The following DOCK3 variants were observed in gnomAD, a reference collection of about 807,000 sequenced individuals.
The protein encoded by DOCK3 is dedicator of cytokinesis protein 3.
A neutral mutation model predicts 265.6 loss-of-function variants in DOCK3; 60 were observed. That is an observed-to-expected ratio of 0.23 (90% CI 0.18 to 0.28). DOCK3 has a LOEUF of 0.28. DOCK3 is among the 10% of genes least tolerant of loss of function. The pLI, the probability that DOCK3 is intolerant of heterozygous loss-of-function variation, is 1.00. For missense variants in DOCK3, 1,981 were observed against 2,594.3 expected, an observed-to-expected ratio of 0.76 and a Z score of 5.14; for synonymous variants, 881 against 938.0, an observed-to-expected ratio of 0.94 and a Z score of 1.11.
chr3:51,042,050 G>T (rs1177943159), intron 5 of DOCK3, among the ~76,000 whole-genome samples: 1 of 152,094 alleles, frequency 6.6e-6, no homozygotes, highest in Non-Finnish European at 1.5e-5. Flanking sequence ...CCAAAAAATT[G>T]AAAAGGAAGG....
At chr3:50,795,049 G>A (rs1371220820) in intron 2 of DOCK3, among the ~76,000 whole-genome samples, 2 of 151,958 alleles carry the variant, frequency 1.3e-5, no homozygotes, top group Non-Finnish European at 2.9e-5. Flanking sequence ...TAAAGAATAT[G>A]GAATATTGGC....
chr3:50,901,719 G>A (rs2049209140), intron 4 of DOCK3: 2 of 453,534 alleles, frequency 4.4e-6, no homozygotes, highest in Non-Finnish European at 8.8e-6. Context: ...CCTTGGCTAG[G>A]GGAGGGAATT....
chr3:50,939,473 C>G (rs2051577498), intron 5 of DOCK3, among the ~76,000 whole-genome samples: 1 of 151,972 alleles, frequency 6.6e-6, no homozygotes, highest in Non-Finnish European at 1.5e-5. Context: ...ACTATAGACA[C>G]AAACATCCTC....
intron 3 of DOCK3, among the ~76,000 whole-genome samples, chr3:50,881,737 C>A (rs4552340): frequency 0.26 from 39,891 of 152,040 alleles, 6,396 homozygotes; most frequent in African/African-American, 0.41. Flanking sequence ...GTGACCAATG[C>A]CTTTCTTCAC....
At chr3:50,773,823 T>C (rs2041428267) in intron 1 of DOCK3, among the ~76,000 whole-genome samples, 1 of 152,048 alleles carries the variant, frequency 6.6e-6, no homozygotes, top group Admixed American at 6.5e-5. Flanking sequence ...CATTTATTTT[T>C]CACTTGGTAG....
At chr3:51,131,938 C>A (rs1231401471) in intron 9 of DOCK3, among the ~76,000 whole-genome samples, 1 of 152,174 alleles carries the variant, frequency 6.6e-6, no homozygotes, top group Non-Finnish European at 1.5e-5. Flanking sequence ...GTTGCCCTCA[C>A]AAATCTGTTT....
At chr3:51,332,552 G>A (rs938207389) in intron 33 of DOCK3, among the ~76,000 whole-genome samples, 1 of 152,106 alleles carries the variant, frequency 6.6e-6, no homozygotes, top group African/African-American at 2.4e-5. Flanking sequence ...GAAGATGATG[G>A]GTTTAAGCTG....
intron 1 of DOCK3, among the ~76,000 whole-genome samples, chr3:50,707,653 G>A (rs1559535730): frequency 1.3e-5 from 2 of 152,126 alleles, no homozygotes; most frequent in Admixed American, 6.5e-5. Flanking sequence ...AGTGGTGGTG[G>A]GTCTGTATCT....
chr3:50,677,101 T>C (rs1178277257), intron 1 of DOCK3, among the ~76,000 whole-genome samples: 1 of 152,206 alleles, frequency 6.6e-6, no homozygotes, highest in East Asian at 1.9e-4. Context: ...AAAATTGTTA[T>C]TCCCTTTGGA....
Position 51,375,630 on chromosome 3 carries a change from ACTG to A in DOCK3, c.5413-115_5413-113del, listed in dbSNP as rs772121914. ...GTATATCTCAAGTGTGAGCTGTGCC[ACTG>A]CTTTGTTTTCCCCGTCTGATCTTGT... On this transcript the variant is annotated intron_variant, in intron 50 of 52. Coordinates refer to ENST00000266037, the MANE Select transcript of DOCK3 (RefSeq NM_004947.5). 105 of 1,130,866 alleles carry A rather than the reference ACTG, an allele frequency of 9.3e-5. 1 individual carries two copies. The Middle Eastern group carries it at 1.8e-3, about 19-fold the overall frequency. 70.1% of individuals were successfully genotyped at this position (1,130,866 alleles called of 1,614,324 possible). A position where few individuals can be genotyped will look rare whatever the true frequency, so the allele number is the denominator to read the frequency against.
At chr3:51,105,140 A>T (rs1321395968) in intron 9 of DOCK3, among the ~76,000 whole-genome samples, 9 of 152,212 alleles carry the variant, frequency 5.9e-5, no homozygotes, top group Admixed American at 5.9e-4. Context: ...TGATGTTGTT[A>T]TAGTATGAAT....
At chr3:50,816,858 G>C (rs1301304888) in intron 2 of DOCK3, among the ~76,000 whole-genome samples, 1 of 151,998 alleles carries the variant, frequency 6.6e-6, no homozygotes, top group Non-Finnish European at 1.5e-5. Context: ...CTGGAGTGCA[G>C]TGGCGTGATC....
chr3:51,357,769 T>C lies in DOCK3; in HGVS notation c.4695T>C (p.Asp1565=). The change falls in exon 45 of 53, where the codon GAT becomes GAC. Residue 1565 remains aspartate (D), a synonymous_variant. Transcript: ENST00000266037. The part of the protein sequence containing the change: ...GIARYQEAFF[D]KDYINKHPGD... ...CTTTCCTTTCACAGGCCTTCTTTGA[T>C]AAAGATTACATCAACAAGCACCCAG... The C allele has an allele frequency of 1.2e-6, 2 of 1,613,992 alleles. No homozygotes were observed. Among genetic ancestry groups the C allele is most frequent in the Non-Finnish European group, 1.7e-6 (2 of 1,179,868 alleles).
Position 51,149,508 on chromosome 3 carries a change from C to T in DOCK3, c.828+2878C>T, listed in dbSNP as rs189547277. 1.6e-3 allele frequency among the ~76,000 whole-genome samples: 246 copies of T among 152,232 alleles called. 5 individuals carry two copies. The highest frequency in any genetic ancestry group is 3.2e-4 in the Non-Finnish European group (22 of 68,010). The stretch of plus-strand genomic sequence containing the variant: ...AAATAGCTCCTATTATTTTGAGATA[C>T]GTTCCATCAATACCTAGTTTATTGA... On this transcript the variant is annotated intron_variant, in intron 10 of 52. Transcript: ENST00000266037.
intron 1 of DOCK3, among the ~76,000 whole-genome samples, chr3:50,720,516 A>C (rs1576227004): frequency 6.6e-6 from 1 of 152,224 alleles, no homozygotes; most frequent in Non-Finnish European, 1.5e-5. Flanking sequence ...TATATGTAAC[A>C]CATTTTCTTT....
At chr3:51,151,717 C>T (rs1020949290) in intron 10 of DOCK3, among the ~76,000 whole-genome samples, 1 of 152,108 alleles carries the variant, frequency 6.6e-6, no homozygotes, top group African/African-American at 2.4e-5. Flanking sequence ...TCAGCATTTG[C>T]TTGTCTGTAA....
At chr3:51,209,273 A>G (rs2089385185) in intron 13 of DOCK3, among the ~76,000 whole-genome samples, 1 of 152,238 alleles carries the variant, frequency 6.6e-6, no homozygotes, top group Non-Finnish European at 1.5e-5. Context: ...TTTCTGAAAG[A>G]CTGACCATAA....
intron 4 of DOCK3, among the ~76,000 whole-genome samples, chr3:50,905,504 A>G (rs1457985904): frequency 2.0e-5 from 3 of 151,838 alleles, no homozygotes. Context: ...ATTCCTAGGT[A>G]TTTTATTCTC....
intron 5 of DOCK3, among the ~76,000 whole-genome samples, chr3:50,970,752 G>T (rs1206563637): frequency 2.1e-5 from 3 of 143,398 alleles, no homozygotes; most frequent in Admixed American, 1.4e-4. Context: ...TTTAAAACAG[G>T]GTATCACTCT....
Sources: gnomAD v4.1 joint callset for allele counts (sites outside exome capture counted in the v4.1 genomes callset) on GRCh38, gnomAD v4.1.1 for gene constraint, MANE v1.5 for transcripts, NCBI Gene and HGNC (gene_info 2026-07-23, HGNC 2026-07-21) for gene names.